Variants in HS3ST4 observed in about 807,000 individuals in gnomAD.
HS3ST4 encodes the protein heparan sulfate glucosamine 3-O-sulfotransferase 4.
Under a neutral mutation model 29.2 loss-of-function variants are expected in HS3ST4, and 17 were observed. The observed-to-expected ratio is 0.58, with a 90% CI of 0.40 to 0.87. The LOEUF is 0.87. Among genes scored for constraint, HS3ST4 ranks in the 40% least tolerant of loss-of-function variants. The pLI, the probability that HS3ST4 is intolerant of heterozygous loss-of-function variation, is 0.00. For missense variants in HS3ST4, 627 were observed against 634.5 expected, an observed-to-expected ratio of 0.99 and a Z score of 0.13; for synonymous variants, 314 against 285.7, an observed-to-expected ratio of 1.10 and a Z score of -1.00.
chr16:25,724,694 G>A (rs1966519936), intron 1 of HS3ST4, among the ~76,000 whole-genome samples: 1 of 151,974 alleles, frequency 6.6e-6, no homozygotes, highest in Admixed American at 6.6e-5. Flanking sequence ...AACTCTGTTC[G>A]TCTAACAGCG....
intron 1 of HS3ST4, among the ~76,000 whole-genome samples, chr16:26,090,175 C>G (rs533666952): frequency 2.1e-4 from 32 of 152,154 alleles, no homozygotes; most frequent in African/African-American, 6.7e-4. Context: ...AAAGTGGATT[C>G]AGATTAGTTG....
At chr16:25,903,466 T>C (rs1424374284) in intron 1 of HS3ST4, among the ~76,000 whole-genome samples, 1 of 151,808 alleles carries the variant, frequency 6.6e-6, no homozygotes, top group Non-Finnish European at 1.5e-5. Context: ...CATCATTACC[T>C]ATAACAATAT....
intron 1 of HS3ST4, among the ~76,000 whole-genome samples, chr16:26,063,544 A>G (rs1898506307): frequency 6.6e-6 from 1 of 152,004 alleles, no homozygotes; most frequent in African/African-American, 2.4e-5. Context: ...AAAACCATTA[A>G]AAATTAGCTA....
At chr16:26,005,608 AG>A (rs1195536122) in intron 1 of HS3ST4, among the ~76,000 whole-genome samples, 1 of 152,152 alleles carries the variant, frequency 6.6e-6, no homozygotes, top group Non-Finnish European at 1.5e-5. Flanking sequence ...CTTCAGCATT[AG>A]TAAGAATTAG....
intron 1 of HS3ST4, among the ~76,000 whole-genome samples, chr16:26,114,219 C>G (rs1169663019): frequency 6.6e-6 from 1 of 152,140 alleles, no homozygotes; most frequent in Non-Finnish European, 1.5e-5. Flanking sequence ...GAACTGAAAC[C>G]CAGGGATCCA....
At chr16:25,986,591 G>A (rs894754558) in intron 1 of HS3ST4, among the ~76,000 whole-genome samples, 7 of 152,186 alleles carry the variant, frequency 4.6e-5, no homozygotes, top group East Asian at 1.9e-4. Context: ...GTTTATGCTC[G>A]CAGTGTCCAT....
At chr16:25,822,340 C>G (rs1050081687) in intron 1 of HS3ST4, among the ~76,000 whole-genome samples, 2 of 152,114 alleles carry the variant, frequency 1.3e-5, no homozygotes, top group Non-Finnish European at 2.9e-5. Flanking sequence ...TATGAGTGCT[C>G]TACCCTCGTG....
rs926232680 is a variant in HS3ST4, at chr16:25,824,371, C to T, written c.734+131220C>T. On this transcript the variant is annotated intron_variant, in intron 1 of 1. Coordinates refer to ENST00000331351, the MANE Select transcript of HS3ST4 (RefSeq NM_006040.3). ...CTCACCCTGCTAATAAAGACATACCCGAGACTGGGTAATTTATAAAGGAAA... is the reference window on the plus strand; with the variant it reads ...CTCACCCTGCTAATAAAGACATACCTGAGACTGGGTAATTTATAAAGGAAA... Among the ~76,000 whole-genome samples the T allele has an allele frequency of 5.9e-5, 9 of 152,142 alleles. No homozygotes were observed. In the South Asian group the frequency reaches 6.2e-4, roughly 11 times the overall value.
chr16:26,120,077 G>GTGTGTGTA (rs1555485151), intron 1 of HS3ST4, among the ~76,000 whole-genome samples: 20 of 133,656 alleles, frequency 1.5e-4, no homozygotes, highest in African/African-American at 5.2e-4. Flanking sequence ...GTGTATGTGT[G>GTGTGTGTA]TGTGTGTGTG....
intron 1 of HS3ST4, among the ~76,000 whole-genome samples, chr16:25,915,150 G>T (rs1968279882): frequency 6.6e-6 from 1 of 152,110 alleles, no homozygotes; most frequent in Non-Finnish European, 1.5e-5. Context: ...TGCTGGCAGT[G>T]GAGGACCAGT....
At chr16:25,774,070 A>C (rs1327630445) in intron 1 of HS3ST4, among the ~76,000 whole-genome samples, 1 of 152,154 alleles carries the variant, frequency 6.6e-6, no homozygotes, top group Admixed American at 6.5e-5. Context: ...GAAATACCCC[A>C]GTTTCTGAAA....
intron 1 of HS3ST4, among the ~76,000 whole-genome samples, chr16:25,847,775 G>A (rs1967480756): frequency 6.6e-6 from 1 of 152,112 alleles, no homozygotes; most frequent in Non-Finnish European, 1.5e-5. Flanking sequence ...AAAGAAGGTG[G>A]CTAATTTCAG....
At chr16:25,758,546 C>T (rs1394121298) in intron 1 of HS3ST4, among the ~76,000 whole-genome samples, 2 of 151,386 alleles carry the variant, frequency 1.3e-5, no homozygotes, top group Admixed American at 6.6e-5. Context: ...ATCTGAACTT[C>T]AGAAATGGAT....
intron 1 of HS3ST4, among the ~76,000 whole-genome samples, chr16:26,034,776 C>T (rs138461329): frequency 1.4e-3 from 218 of 152,072 alleles, no homozygotes; most frequent in African/African-American, 5.0e-3. Flanking sequence ...CAAGACCAGC[C>T]TGGGCAACAT....
chr16:25,882,208 G>A (rs563110400), intron 1 of HS3ST4, among the ~76,000 whole-genome samples: 163 of 152,322 alleles, frequency 1.1e-3, no homozygotes, highest in Non-Finnish European at 1.4e-3. Flanking sequence ...TCCCTGAAGT[G>A]AATACACCTT....
chr16:26,081,786 CTTTTTTTTTTTTTTT>C (rs56169806), intron 1 of HS3ST4, among the ~76,000 whole-genome samples: 1 of 84,966 alleles, frequency 1.2e-5, no homozygotes, highest in Non-Finnish European at 2.2e-5. Context: ...GGAGTACATT[CTTTTTTTTTTTTTTT>C]TTTTTTTTTT....
At chr16:25,792,747 G>A (rs1371517729) in intron 1 of HS3ST4, among the ~76,000 whole-genome samples, 1 of 151,550 alleles carries the variant, frequency 6.6e-6, no homozygotes. Flanking sequence ...TATCAATTTT[G>A]TGTGTCTTTT....
chr16:25,914,835 T>C (rs1393247477), intron 1 of HS3ST4, among the ~76,000 whole-genome samples: 8 of 151,916 alleles, frequency 5.3e-5, no homozygotes, highest in Admixed American at 1.3e-4. Context: ...TGGAGGCTCA[T>C]GAAGGAAATC....
At chr16:25,958,520 G>A (rs568119044) in intron 1 of HS3ST4, among the ~76,000 whole-genome samples, 17 of 152,098 alleles carry the variant, frequency 1.1e-4, no homozygotes, top group African/African-American at 3.6e-4. Flanking sequence ...TAGTAGAGAC[G>A]GGGTTTCACC....
Sources: gnomAD v4.1 joint callset for allele counts (sites outside exome capture counted in the v4.1 genomes callset) on GRCh38, gnomAD v4.1.1 for gene constraint, MANE v1.5 for transcripts, NCBI Gene and HGNC (gene_info 2026-07-23, HGNC 2026-07-21) for gene names.